Variants in AJAP1 observed in about 807,000 individuals in gnomAD.
The protein encoded by AJAP1 is adherens junction-associated protein 1.
A neutral mutation model predicts 35.0 loss-of-function variants in AJAP1; 5 were observed. That is an observed-to-expected ratio of 0.14 (90% confidence interval 0.07 to 0.30). The LOEUF (loss-of-function observed/expected upper bound fraction) is 0.30. Ranked by LOEUF, AJAP1 falls within the 10% of genes least tolerant of loss-of-function variation. AJAP1 has a pLI of 1.00. For synonymous variants in AJAP1, 284 were observed against 249.3 expected (o/e 1.14, Z -1.31); for missense variants, 586 against 571.0 (o/e 1.03, Z -0.27).
chr1:4,687,502 A>G (rs574129310), intron 1 of AJAP1, among the ~76,000 whole-genome samples: 2 of 152,196 alleles, frequency 1.3e-5, no homozygotes, highest in Non-Finnish European at 2.9e-5. Flanking sequence ...CCTGCGGTCC[A>G]TGGGGAGGGC....
At chr1:4,671,300 A>G (rs1639242284) in intron 1 of AJAP1, among the ~76,000 whole-genome samples, 1 of 150,600 alleles carries the variant, frequency 6.6e-6, no homozygotes, top group African/African-American at 2.4e-5. Flanking sequence ...ACCTGGGAGG[A>G]GGAGGTTGCA....
At chr1:4,728,812 T>C (rs1361509706) in intron 2 of AJAP1, among the ~76,000 whole-genome samples, 1 of 152,206 alleles carries the variant, frequency 6.6e-6, no homozygotes, top group Non-Finnish European at 1.5e-5. Context: ...CCCTCCACCC[T>C]GGGCCTGGGG....
At chr1:4,737,387 A>G (rs1640950905) in intron 2 of AJAP1, among the ~76,000 whole-genome samples, 1 of 151,672 alleles carries the variant, frequency 6.6e-6, no homozygotes, top group Non-Finnish European at 1.5e-5. Flanking sequence ...CCCGGCAAGG[A>G]TGGGGACCTG....
chr1:4,666,382 A>T (rs1471120379), intron 1 of AJAP1, among the ~76,000 whole-genome samples: 2 of 152,184 alleles, frequency 1.3e-5, no homozygotes, highest in Admixed American at 1.3e-4. Context: ...AGGCCCCAGG[A>T]CTGGAGCCAT....
Position 4,789,325 on chromosome 1 carries a change from G to T in AJAP1, c.*6840G>T, listed in dbSNP as rs1047386142. On this transcript the variant is annotated 3_prime_UTR_variant, in exon 6 of 6. Coordinates refer to ENST00000378191, the MANE Select transcript of AJAP1 (RefSeq NM_018836.4). The surrounding 1 kb of genome is among the most constrained non-coding windows in gnomAD (Gnocchi z 4.4). ...AAGAGAGTTCTAAGCCAAGACATGT[G>T]CTTGGGACTGGATTAACTCTTGTCA... 1 of 152,222 alleles carries T rather than the reference G, an allele frequency of 6.6e-6. No homozygotes were observed. Among genetic ancestry groups the T allele is most frequent in the African/African-American group, 2.4e-5 (1 of 41,452 alleles). 9.4% of individuals were successfully genotyped at this position (152,222 alleles called of 1,614,324 possible).
At chr1:4,779,124 T>C (rs1475157274) in intron 5 of AJAP1, among the ~76,000 whole-genome samples, 1 of 152,142 alleles carries the variant, frequency 6.6e-6, no homozygotes, top group African/African-American at 2.4e-5. Flanking sequence ...TAGGAAGGAA[T>C]GGGGCATCCA....
chr1:4,724,942 C>T (rs1018344481), intron 2 of AJAP1, among the ~76,000 whole-genome samples: 1 of 152,218 alleles, frequency 6.6e-6, no homozygotes, highest in African/African-American at 2.4e-5. Flanking sequence ...AGCACCCTCC[C>T]CTCTTGCTGC....
intron 2 of AJAP1, among the ~76,000 whole-genome samples, chr1:4,763,128 C>T (rs962595580): frequency 2.0e-5 from 3 of 152,198 alleles, no homozygotes; most frequent in African/African-American, 7.2e-5. Context: ...TGTCTTGTGC[C>T]TCAGAGGCCT....
At chr1:4,765,859 C>G (rs907632200) in intron 2 of AJAP1, among the ~76,000 whole-genome samples, 5 of 152,134 alleles carry the variant, frequency 3.3e-5, no homozygotes, top group Non-Finnish European at 7.3e-5. Context: ...CAGGGTGAGG[C>G]CACTGCTGCT....
At chr1:4,732,708 C>T (rs1056108169) in intron 2 of AJAP1, among the ~76,000 whole-genome samples, 25 of 152,362 alleles carry the variant, frequency 1.6e-4, no homozygotes, top group Non-Finnish European at 2.9e-4. Flanking sequence ...CTGGCCCTTC[C>T]GCGAGACCTG....
At chr1:4,719,822 G>A (rs949640009) in intron 2 of AJAP1, among the ~76,000 whole-genome samples, 1 of 152,182 alleles carries the variant, frequency 6.6e-6, no homozygotes, top group African/African-American at 2.4e-5. Context: ...TGCTGGAGAG[G>A]TGCGCCCCTT....
At chr1:4,756,711 G>A (rs1641440223) in intron 2 of AJAP1, among the ~76,000 whole-genome samples, 1 of 152,184 alleles carries the variant, frequency 6.6e-6, no homozygotes, top group Admixed American at 6.5e-5. Flanking sequence ...TGAGATGCTG[G>A]GTTAAGCAAA....
At chr1:4,760,633 G>C (rs773741065) in intron 2 of AJAP1, among the ~76,000 whole-genome samples, 1 of 152,200 alleles carries the variant, frequency 6.6e-6, no homozygotes, top group Non-Finnish European at 1.5e-5. Context: ...CTGTTGGGCC[G>C]CATTCTCTGA....
rs1325790951 is a variant in AJAP1, at chr1:4,692,883, T to C, written c.30-19017T>C. Among the ~76,000 whole-genome samples, 11 of 152,352 alleles carry C rather than the reference T, an allele frequency of 7.2e-5. No homozygotes were observed. ...TTTCCAAGCTCAGCCCTGTGCTCTG[T>C]GCTGGAACTGGACAGGGAAGGGACG... On this transcript the variant is annotated intron_variant, in intron 1 of 5. Transcript: ENST00000378191. The surrounding 1 kb of genome is among the most constrained non-coding windows in gnomAD (Gnocchi z 4.4).
chr1:4,745,460 C>G (rs1393945488), intron 2 of AJAP1, among the ~76,000 whole-genome samples: 1 of 152,200 alleles, frequency 6.6e-6, no homozygotes, highest in Non-Finnish European at 1.5e-5. Flanking sequence ...CTGCCAGGCT[C>G]TGATGAGGAA....
chr1:4,791,994 T>A lies in AJAP1; in HGVS notation c.*9509T>A, dbSNP rs562009868. ...GCCACATGGCCTCTTTTTTCACAGG[T>A]TTTGCATTGAATGTTTTAGAACTTT... On this transcript the variant is annotated 3_prime_UTR_variant, in exon 6 of 6. Coordinates refer to ENST00000378191, the MANE Select transcript of AJAP1 (RefSeq NM_018836.4). 1.9e-4 allele frequency: 29 copies of A among 152,264 alleles called. No individual in the cohort carries two copies. The highest frequency in any genetic ancestry group is 6.0e-4 in the African/African-American group (25 of 41,536). 9.4% of individuals were successfully genotyped at this position (152,264 alleles called of 1,614,324 possible).
intron 1 of AJAP1, among the ~76,000 whole-genome samples, chr1:4,695,506 T>G (rs1639839149): frequency 6.6e-6 from 1 of 152,010 alleles, no homozygotes; most frequent in African/African-American, 2.4e-5. Context: ...AGAGTGGAGA[T>G]GGAGAGTGGG....
chr1:4,748,009 G>A (rs1420929531), intron 2 of AJAP1, among the ~76,000 whole-genome samples: 1 of 148,046 alleles, frequency 6.8e-6, no homozygotes, highest in East Asian at 2.0e-4. Context: ...AAAAAACAAA[G>A]CAAAAAAACC....
intron 2 of AJAP1, among the ~76,000 whole-genome samples, chr1:4,730,067 C>A (rs963641510): frequency 8.5e-5 from 13 of 152,176 alleles, no homozygotes; most frequent in Admixed American, 7.9e-4. Context: ...AAGAAACAGG[C>A]GTTCAGTAAG....
Sources: gnomAD v4.1 joint callset for allele counts (sites outside exome capture counted in the v4.1 genomes callset) on GRCh38, gnomAD v4.1.1 for gene constraint, Gnocchi (gnomAD v3.1) non-coding constraint, MANE v1.5 for transcripts, NCBI Gene and HGNC (gene_info 2026-07-23, HGNC 2026-07-21) for gene names.